Variants in GTF2IRD1 observed in about 807,000 individuals in gnomAD.
GTF2IRD1 encodes the protein GTF2I repeat domain containing 1, also known as general transcription factor II-I repeat domain-containing protein 1.
GTF2IRD1 carries 26 observed loss-of-function variants against 113.2 expected under a neutral mutation model. That is an observed-to-expected ratio of 0.23 (90% CI 0.17 to 0.32). The LOEUF (loss-of-function observed/expected upper bound fraction) is 0.32, where lower values mean the gene tolerates loss of function less well. Among genes scored for constraint, GTF2IRD1 ranks in the 10% least tolerant of loss-of-function variants. GTF2IRD1 has a pLI of 1.00. For synonymous variants in GTF2IRD1, 484 were observed against 529.1 expected (o/e 0.91, Z 1.17); for missense variants, 864 against 1,280.8 (o/e 0.67, Z 4.97).
rs1796710462 is a variant in GTF2IRD1, at chr7:74,512,762, G to A, written c.124-68G>A. On this transcript the variant is annotated intron_variant, in intron 2 of 26. Coordinates refer to ENST00000424337, the MANE Select transcript of GTF2IRD1 (RefSeq NM_005685.4). The surrounding 1 kb of genome is among the most constrained non-coding windows in gnomAD (Gnocchi z 4.4). ...AGCTGGGAGCTCACATCCCACCCCC[G>A]AAGTGGATACTAGAGGTGTTCGGAG... is the stretch of plus-strand genomic sequence containing the variant. 4.0e-6 allele frequency: 6 copies of A among 1,501,496 alleles called. No individual in the cohort carries two copies. The highest frequency in any genetic ancestry group is 4.6e-5 in the East Asian group (2 of 43,754). The allele number at this position is 1,501,496 out of a possible 1,614,324, so 93.0% of individuals were successfully genotyped here. A position where few individuals can be genotyped will look rare whatever the true frequency, so the allele number is the denominator to read the frequency against.
chr7:74,462,399 G>A (rs978817333), intron 1 of GTF2IRD1, among the ~76,000 whole-genome samples: 2 of 152,098 alleles, frequency 1.3e-5, no homozygotes, highest in Admixed American at 1.3e-4. Flanking sequence ...TCTGTATATG[G>A]TTTTCCATTT....
intron 22 of GTF2IRD1, among the ~76,000 whole-genome samples, chr7:74,578,004 A>C (rs587771189): frequency 8.6e-5 from 13 of 151,814 alleles, no homozygotes; most frequent in African/African-American, 3.1e-4. Context: ...GAGTCTCTCT[A>C]TGTTACCCAA....
chr7:74,584,327 C>G (rs1801597742), intron 22 of GTF2IRD1, among the ~76,000 whole-genome samples: 1 of 152,074 alleles, frequency 6.6e-6, no homozygotes, highest in South Asian at 2.1e-4. Context: ...TACCTGTAAT[C>G]CCAGCTACTC....
chr7:74,599,775 G>C (rs1554373381), intron 25 of GTF2IRD1, among the ~76,000 whole-genome samples: 1 of 152,042 alleles, frequency 6.6e-6, no homozygotes, highest in African/African-American at 2.4e-5. Flanking sequence ...CACCCACCTT[G>C]GTCTCCCAAA....
At chr7:74,564,840 A>G (rs1554360196) in intron 22 of GTF2IRD1, among the ~76,000 whole-genome samples, 1 of 151,416 alleles carries the variant, frequency 6.6e-6, no homozygotes, top group Admixed American at 6.6e-5. Flanking sequence ...TTTCCCCACT[A>G]AAATCTAGAG....
intron 1 of GTF2IRD1, among the ~76,000 whole-genome samples, chr7:74,489,535 G>A (rs925879416): frequency 7.2e-5 from 11 of 152,242 alleles, no homozygotes; most frequent in Non-Finnish European, 1.0e-4. Flanking sequence ...TAGAGACGGG[G>A]TTTCGCCATG....
At chr7:74,502,235 G>T (rs1025624474) in intron 1 of GTF2IRD1, among the ~76,000 whole-genome samples, 2 of 152,152 alleles carry the variant, frequency 1.3e-5, no homozygotes, top group Non-Finnish European at 2.9e-5. Context: ...CACCATGCCC[G>T]GCCAGAAAGG....
rs782362366 is a variant in GTF2IRD1, at chr7:74,521,215, G to A, written c.924G>A (p.Lys308=). The part of the protein sequence containing the change: ...AQDFSDCCGQ[K]PTGPGGPLIQ... ...CTTCTCTCCCTTGTCCAGGACAGAA[G>A]CCCACTGGGCCTGGTGGGCCTCTCA... Residue 308 remains lysine (K), a synonymous_variant, in exon 7 of 27, where the codon AAG becomes AAA. Coordinates refer to ENST00000424337, the MANE Select transcript of GTF2IRD1 (RefSeq NM_005685.4). 4.4e-6 allele frequency: 7 copies of A among 1,595,438 alleles called. No individual in the cohort carries two copies. In the East Asian group the frequency reaches 1.6e-4, roughly 36 times the overall value.
intron 9 of GTF2IRD1, among the ~76,000 whole-genome samples, chr7:74,530,493 ATTT>A (rs57782999): frequency 0.022 from 2,295 of 102,148 alleles, 40 homozygotes; most frequent in East Asian, 0.087. Context: ...GCACTTTGTA[ATTT>A]TTTTTTTTTT....
rs555960971 is a variant in GTF2IRD1 at position 74,479,309 on chromosome 7, C to T, written c.-7+25133C>T. On this transcript the variant is annotated intron_variant, in intron 1 of 26. Coordinates refer to ENST00000424337, the MANE Select transcript of GTF2IRD1 (RefSeq NM_005685.4). ...CTCTGCCCACCACTTCCTGCCCTGC[C>T]CTGCACACTCCAGCCATGCAGAGCT... Among the ~76,000 whole-genome samples, 7 of 152,292 alleles carry T rather than the reference C, an allele frequency of 4.6e-5. No homozygotes were observed. In the East Asian group the frequency reaches 1.2e-3, roughly 25 times the overall value.
At chr7:74,484,472 T>C (rs1213494424) in intron 1 of GTF2IRD1, among the ~76,000 whole-genome samples, 2 of 142,022 alleles carry the variant, frequency 1.4e-5, no homozygotes, top group Non-Finnish European at 3.1e-5. Flanking sequence ...TTTTTTTTTT[T>C]GAATTGGAGT....
At chr7:74,485,351 C>T (rs1358043522) in intron 1 of GTF2IRD1, among the ~76,000 whole-genome samples, 1 of 152,200 alleles carries the variant, frequency 6.6e-6, no homozygotes, top group Non-Finnish European at 1.5e-5. Context: ...GGTGCGGTGG[C>T]TCACGCCTGT....
chr7:74,580,184 C>T (rs1240599288), intron 22 of GTF2IRD1, among the ~76,000 whole-genome samples: 1 of 152,188 alleles, frequency 6.6e-6, no homozygotes, highest in Non-Finnish European at 1.5e-5. Context: ...GGGTCTCACT[C>T]TGTCACCCAG....
intron 1 of GTF2IRD1, among the ~76,000 whole-genome samples, chr7:74,456,269 G>T (rs1295156280): frequency 6.6e-6 from 1 of 152,164 alleles, no homozygotes; most frequent in Non-Finnish European, 1.5e-5. Flanking sequence ...TGGATGGTGG[G>T]TGATGGCTTG....
intron 7 of GTF2IRD1, among the ~76,000 whole-genome samples, chr7:74,522,263 A>G (rs1797341909): frequency 6.6e-6 from 1 of 151,128 alleles, no homozygotes; most frequent in Non-Finnish European, 1.5e-5. Context: ...AAAAAAGTGG[A>G]CAGATTTTTA....
At chr7:74,580,562 C>T (rs1801354738) in intron 22 of GTF2IRD1, among the ~76,000 whole-genome samples, 2 of 152,002 alleles carry the variant, frequency 1.3e-5, no homozygotes, top group African/African-American at 2.4e-5. Context: ...ATTCAGTGAG[C>T]TTGGTTGTCT....
intron 17 of GTF2IRD1, among the ~76,000 whole-genome samples, chr7:74,548,683 C>G (rs1799107719): frequency 6.6e-6 from 1 of 152,060 alleles, no homozygotes; most frequent in Admixed American, 6.6e-5. Flanking sequence ...GCAGAAGGAT[C>G]ACTTGAGGCC....
At chr7:74,543,492 C>A (rs782520638) in intron 14 of GTF2IRD1, among the ~76,000 whole-genome samples, 44 of 152,084 alleles carry the variant, frequency 2.9e-4, no homozygotes, top group Middle Eastern at 3.4e-3. Flanking sequence ...AAAACAACAA[C>A]AAAAAAAGAA....
At chr7:74,601,389 T>C in intron 26 of GTF2IRD1, 1 of 1,503,252 alleles carries the variant, frequency 6.7e-7, no homozygotes, top group Non-Finnish European at 8.9e-7. Flanking sequence ...TCACAGGCAC[T>C]CAGGCAGGAA....
Sources: gnomAD v4.1 joint callset for allele counts (sites outside exome capture counted in the v4.1 genomes callset) on GRCh38, gnomAD v4.1.1 for gene constraint, Gnocchi (gnomAD v3.1) non-coding constraint, MANE v1.5 for transcripts, NCBI Gene and HGNC (gene_info 2026-07-23, HGNC 2026-07-21) for gene names.